The following C5 variants were observed in gnomAD, a reference collection of about 807,000 sequenced individuals.
The protein encoded by C5 is C3 and PZP-like alpha-2-macroglobulin domain-containing protein 4.
In C5, 140 loss-of-function variants were observed where a neutral mutation model predicts 218.8. That is an observed-to-expected ratio of 0.64 (90% CI 0.56 to 0.74). The LOEUF (loss-of-function observed/expected upper bound fraction) is 0.74. Among genes scored for constraint, C5 ranks in the 30% least tolerant of loss-of-function variants. C5 has a pLI of 0.00. For missense variants in C5, 1,700 were observed against 1,969.6 expected (o/e 0.86, Z 2.59); for synonymous variants, 614 against 682.3 (o/e 0.90, Z 1.56).
At chr9:120,975,079 T>C (rs2046943435) in intron 29 of C5, 148 bp from the exon 30 acceptor site, 1 of 834,562 alleles carries the variant, frequency 1.2e-6, no homozygotes, top group South Asian at 1.5e-5. Flanking sequence ...AGCCCCATTG[T>C]GGAGGTGGAA....
chr9:121,074,842 C>T, the C5 span: 4 of 456,170 alleles, frequency 8.8e-6, no homozygotes, highest in Non-Finnish European at 1.8e-5. Context: ...GGCATCCTAG[C>T]GCGCTGGCTG....
chr9:120,960,133 T>C (rs1341398316), intron 38 of C5, 115 bp downstream of exon 38: 23 of 706,322 alleles, frequency 3.3e-5, no homozygotes, highest in Non-Finnish European at 4.5e-5. Context: ...CTTCAGGGGA[T>C]CACATGGAAT....
chr9:120,970,260 G>A lies in C5; in HGVS notation c.4081-9C>T, dbSNP rs1387972281. The A allele has an allele frequency of 6.3e-7, 1 of 1,588,508 alleles. No homozygotes were observed. Among genetic ancestry groups the A allele is most frequent in the East Asian group, 2.2e-5 (1 of 44,758 alleles). The stretch of plus-strand genomic sequence containing the variant: ...TGAACTACAGTTGTTACCTACATTG[G>A]GGACAAGTAAGCAAGAAGATTCTAT... On this transcript the variant is annotated splice_polypyrimidine_tract_variant and intron_variant, in intron 31 of 40. Transcript: ENST00000223642.
Position 121,046,251 on chromosome 9 carries a change from G to T in C5, c.198C>A (p.Tyr66Ter), listed in dbSNP as rs1260360024. The T allele has an allele frequency of 6.2e-7, 1 of 1,607,848 alleles. No homozygotes were observed. Among genetic ancestry groups the T allele is most frequent in the Admixed American group, 1.7e-5 (1 of 59,944 alleles). The change falls in exon 2 of 41, where the codon TAC becomes TAA. Residue 66 changes from tyrosine to a stop codon, truncating the protein, a stop_gained. Coordinates refer to ENST00000223642, the MANE Select transcript of C5 (RefSeq NM_001735.3). LOFTEE classifies it high-confidence loss of function. Reference sequence around the variant, plus strand: ...AGGATAAATGAACATGGCCTGAGGAGTAACTAAATTTTTTATCAGGATAAC... The same window carrying T: ...AGGATAAATGAACATGGCCTGAGGATTAACTAAATTTTTTATCAGGATAAC... ...IKSYPDKKFS[Y>*]SSGHVHLSSE...
At chr9:120,999,777 C>T (rs952872733) in intron 20 of C5, 2 of 331,990 alleles carry the variant, frequency 6.0e-6, no homozygotes, top group Non-Finnish European at 1.2e-5. Context: ...AGGTAATTAA[C>T]AGGAACTAAG....
chr9:120,980,916 T>C (rs2046988291), intron 27 of C5, among the ~76,000 whole-genome samples: 1 of 152,148 alleles, frequency 6.6e-6, no homozygotes, highest in East Asian at 1.9e-4. Context: ...ACTTTTATTG[T>C]TCCCTCTCAG....
the C5 span, among the ~76,000 whole-genome samples, chr9:121,073,000 C>CAGTAAATCAA: frequency 6.6e-6 from 1 of 152,050 alleles, no homozygotes; most frequent in Non-Finnish European, 1.5e-5. Flanking sequence ...AAAAGGAAAT[C>CAGTAAATCAA]AGTAAATCAA....
the C5 span, among the ~76,000 whole-genome samples, chr9:121,066,749 C>T: frequency 6.6e-6 from 1 of 150,996 alleles, no homozygotes; most frequent in Non-Finnish European, 1.5e-5. Flanking sequence ...ACTCAGGAGG[C>T]TGAAGCAGAA....
At position 121,037,860 on chromosome 9, in the gene C5, TTAAA is replaced by T; in HGVS notation, c.492+17_492+20del. On this transcript the variant is annotated intron_variant, in intron 4 of 40. Coordinates refer to ENST00000223642, the MANE Select transcript of C5 (RefSeq NM_001735.3). ...CCTGAAAAATGAATTAAAGTATTAT[TTAAA>T]TAAATAAAATACTTACTATGAAAGT... 1 of 1,141,906 alleles carries T rather than the reference TTAAA, an allele frequency of 8.8e-7. No homozygotes were observed. The highest frequency in any genetic ancestry group is 1.3e-6 in the Non-Finnish European group (1 of 785,470). 70.7% of individuals were successfully genotyped at this position (1,141,906 alleles called of 1,614,324 possible).
the C5 span, among the ~76,000 whole-genome samples, chr9:121,068,671 A>C: frequency 6.6e-6 from 1 of 152,236 alleles, no homozygotes; most frequent in African/African-American, 2.4e-5. Flanking sequence ...AAATGGCCAA[A>C]GCAATCCCGA....
chr9:120,953,585 A>G (rs1197281349), intron 40 of C5, 145 bp downstream of exon 40: 1 of 884,706 alleles, frequency 1.1e-6, no homozygotes, highest in Non-Finnish European at 1.8e-6. Context: ...GTTTTAAATC[A>G]TTCTTTGCTT....
chr9:121,046,103 A>G, intron 2 of C5, 88 bp downstream of exon 2: 3 of 651,414 alleles, frequency 4.6e-6, no homozygotes, highest in Non-Finnish European at 5.2e-6. Flanking sequence ...GATTAAATCT[A>G]TATGTTATCA....
At chr9:121,006,391 A>G (rs2131739545) in intron 19 of C5, among the ~76,000 whole-genome samples, 1 of 152,358 alleles carries the variant, frequency 6.6e-6, no homozygotes, top group Admixed American at 6.5e-5. Flanking sequence ...GTGGAAACCA[A>G]GATTTTAAAA....
intron 38 of C5, 45 bp from the exon 39 acceptor site, chr9:120,957,413 A>G: frequency 5.0e-6 from 7 of 1,398,140 alleles, no homozygotes; most frequent in Non-Finnish European, 7.1e-6. Context: ...TCTTAATACT[A>G]TTAATGCTAT....
intron 20 of C5, among the ~76,000 whole-genome samples, chr9:120,999,092 C>G (rs763180416): frequency 6.6e-6 from 1 of 151,928 alleles, no homozygotes; most frequent in Non-Finnish European, 1.5e-5. Flanking sequence ...TACAATTCAG[C>G]ATAATTGCAT....
chr9:121,042,812 C>G (rs1437284528), intron 3 of C5, among the ~76,000 whole-genome samples, 192 bp downstream of exon 3: 3 of 152,118 alleles, frequency 2.0e-5, no homozygotes, highest in Non-Finnish European at 4.4e-5. Flanking sequence ...TTATTTAGCA[C>G]TTTCTCCATA....
intron 20 of C5, among the ~76,000 whole-genome samples, chr9:121,004,013 C>T (rs1297579663): frequency 1.3e-5 from 2 of 151,958 alleles, no homozygotes; most frequent in African/African-American, 2.4e-5. Context: ...GGACTACAGG[C>T]GCCTGCCACC....
chr9:121,068,734 C>T, the C5 span, among the ~76,000 whole-genome samples: 1 of 152,132 alleles, frequency 6.6e-6, no homozygotes, highest in African/African-American at 2.4e-5. Context: ...AAATATACTA[C>T]AAAGCTGTAG....
intron 22 of C5, among the ~76,000 whole-genome samples, chr9:120,992,432 C>T (rs903300401): frequency 5.3e-5 from 8 of 152,220 alleles, no homozygotes; most frequent in Admixed American, 5.2e-4. Flanking sequence ...GAGATAACAA[C>T]ATTTTCCTCA....
Sources: gnomAD v4.1 joint callset for allele counts (sites outside exome capture counted in the v4.1 genomes callset) on GRCh38, gnomAD v4.1.1 for gene constraint, MANE v1.5 for transcripts, NCBI Gene and HGNC (gene_info 2026-07-23, HGNC 2026-07-21) for gene names.